The following JAZF1 variants were observed in gnomAD, a reference collection of about 807,000 sequenced individuals.
JAZF1 encodes the protein JAZF zinc finger 1.
Under a neutral mutation model 26.4 loss-of-function variants are expected in JAZF1, and 8 were observed. The ratio of observed to expected loss-of-function variants is 0.30; its 90% CI spans 0.18 to 0.55. The LOEUF (loss-of-function observed/expected upper bound fraction) is 0.55, where lower values mean the gene tolerates loss of function less well. Ranked by LOEUF, JAZF1 falls within the 20% of genes least tolerant of loss-of-function variation. The pLI is 0.94. For missense variants in JAZF1, 199 were observed against 322.0 expected, an observed-to-expected ratio of 0.62 and a Z score of 2.92; for synonymous variants, 126 against 122.3, an observed-to-expected ratio of 1.03 and a Z score of -0.20.
intron 1 of JAZF1, among the ~76,000 whole-genome samples, chr7:28,088,698 A>T (rs1265483988): frequency 6.6e-6 from 1 of 152,110 alleles, no homozygotes; most frequent in Non-Finnish European, 1.5e-5. Context: ...TGGTCCTCTG[A>T]TTCTCCTCTG....
At chr7:27,976,630 AT>A (rs1337289817) in intron 2 of JAZF1, among the ~76,000 whole-genome samples, 1 of 152,172 alleles carries the variant, frequency 6.6e-6, no homozygotes, top group Non-Finnish European at 1.5e-5. Context: ...AGGGAGGAAA[AT>A]AGGAAGGCAT....
chr7:28,024,111 C>T (rs1562562566), intron 1 of JAZF1, among the ~76,000 whole-genome samples: 1 of 151,036 alleles, frequency 6.6e-6, no homozygotes, highest in East Asian at 1.9e-4. Context: ...CATAGCAAGA[C>T]CCATCTCTAA....
At chr7:27,845,262 G>A (rs1400778487) in intron 3 of JAZF1, among the ~76,000 whole-genome samples, 4 of 152,190 alleles carry the variant, frequency 2.6e-5, no homozygotes, top group African/African-American at 9.7e-5. Flanking sequence ...GGCATCTGTG[G>A]AGACACTGGC....
chr7:27,905,095 A>T lies in JAZF1; in HGVS notation c.189-9679T>A, dbSNP rs554740375. Among the ~76,000 whole-genome samples, 7 of 151,380 alleles carry T rather than the reference A, an allele frequency of 4.6e-5. No individual in the cohort carries two copies. The East Asian group carries it at 1.4e-3, about 30-fold the overall frequency. On this transcript the variant is annotated intron_variant, in intron 2 of 4. Transcript: ENST00000283928. ...ACTACAGGGATGCACTTCCAAACCC[A>T]GCTAATTTTTGTATTTTTTGTAGAG...
chr7:27,855,031 C>A (rs1419894793), intron 3 of JAZF1, among the ~76,000 whole-genome samples: 1 of 152,136 alleles, frequency 6.6e-6, no homozygotes, highest in Non-Finnish European at 1.5e-5. Context: ...TTCACATAGT[C>A]CCATATTTCT....
At chr7:28,009,473 T>A (rs1473826275) in intron 1 of JAZF1, among the ~76,000 whole-genome samples, 1 of 151,810 alleles carries the variant, frequency 6.6e-6, no homozygotes, top group African/African-American at 2.4e-5. Flanking sequence ...TGATGTACCC[T>A]GATAATACCA....
At chr7:28,173,873 C>A (rs1310961579) in intron 1 of JAZF1, among the ~76,000 whole-genome samples, 2 of 121,598 alleles carry the variant, frequency 1.6e-5, no homozygotes, top group African/African-American at 6.6e-5. Flanking sequence ...CTGCTTGCAG[C>A]TAGCTTTAAA....
intron 2 of JAZF1, among the ~76,000 whole-genome samples, chr7:27,942,811 CT>C (rs1346197887): frequency 2.0e-5 from 3 of 152,164 alleles, no homozygotes; most frequent in Non-Finnish European, 4.4e-5. Context: ...CAATAAGTGC[CT>C]TTTTGGCTCT....
Position 27,840,678 on chromosome 7 carries a change from G to C in JAZF1, c.555+20C>G. On this transcript the variant is annotated intron_variant, in intron 4 of 4. Transcript: ENST00000283928. This position sits in a 1 kb window ranked among gnomAD's most constrained non-coding sequence, Gnocchi z 5.1. ...CCCTGTTTCCATGTGGTTATGCCAA[G>C]CATGCAGCACCTCTGTTACCTTGTA... 6.2e-7 allele frequency: 1 copy of C among 1,612,576 alleles called. No individual in the cohort carries two copies. Among genetic ancestry groups the C allele is most frequent in the Non-Finnish European group, 8.5e-7 (1 of 1,179,092 alleles).
chr7:28,001,896 A>G (rs1782597207), intron 1 of JAZF1, among the ~76,000 whole-genome samples: 1 of 152,198 alleles, frequency 6.6e-6, no homozygotes, highest in African/African-American at 2.4e-5. Context: ...TATGTTATAG[A>G]TCTGAGTATT....
chr7:27,966,772 AT>A (rs941490822), intron 2 of JAZF1, among the ~76,000 whole-genome samples: 2 of 152,044 alleles, frequency 1.3e-5, no homozygotes, highest in Admixed American at 1.3e-4. Context: ...TCAAGGGGTA[AT>A]TTTTTTTGTC....
intron 1 of JAZF1, among the ~76,000 whole-genome samples, chr7:28,162,383 G>A (rs1783306414): frequency 6.6e-6 from 1 of 152,152 alleles, no homozygotes; most frequent in Non-Finnish European, 1.5e-5. Context: ...GGAACACAAA[G>A]TTTCATCCTC....
intron 3 of JAZF1, chr7:27,846,474 T>C: frequency 2.1e-6 from 1 of 471,018 alleles, no homozygotes; most frequent in Non-Finnish European, 4.4e-6. Flanking sequence ...GTTGGTTGTT[T>C]CCAATTCTTG....
intron 1 of JAZF1, among the ~76,000 whole-genome samples, chr7:28,089,190 G>A (rs1784255399): frequency 1.3e-5 from 2 of 152,200 alleles, no homozygotes; most frequent in African/African-American, 2.4e-5. Context: ...GTGGCGATGA[G>A]GCCTTTGGGA....
intron 3 of JAZF1, among the ~76,000 whole-genome samples, chr7:27,857,529 G>A (rs1254200823): frequency 6.6e-6 from 1 of 152,272 alleles, no homozygotes; most frequent in African/African-American, 2.4e-5. Context: ...GGCGCCGAGA[G>A]CGAGCTAGGG....
intron 3 of JAZF1, among the ~76,000 whole-genome samples, chr7:27,886,330 TC>T (rs1783861981): frequency 6.6e-6 from 1 of 152,176 alleles, no homozygotes; most frequent in African/African-American, 2.4e-5. Context: ...ACTTCTGTGC[TC>T]CCAGAGTTCT....
intron 1 of JAZF1, among the ~76,000 whole-genome samples, chr7:28,119,252 G>A (rs779398823): frequency 2.4e-4 from 37 of 151,870 alleles, no homozygotes; most frequent in African/African-American, 4.8e-4. Flanking sequence ...ACCTTTTTTC[G>A]GCTTGCAAGT....
rs570207623 is a variant in JAZF1, at chr7:27,996,263, A to G, written c.116-4282T>C. Among the ~76,000 whole-genome samples, 54 of 152,344 alleles carry G rather than the reference A, an allele frequency of 3.5e-4. 1 individual carries two copies. Among genetic ancestry groups the G allele is most frequent in the African/African-American group, 1.3e-3 (54 of 41,584 alleles). ...CAGAAACCAGCCGCACAATGTCTCA[A>G]CAAAACTAGGGAGGCCTCTAAGGGC... On this transcript the variant is annotated intron_variant, in intron 1 of 4. Transcript: ENST00000283928.
intron 1 of JAZF1, among the ~76,000 whole-genome samples, chr7:28,044,863 A>G (rs915661654): frequency 2.0e-5 from 3 of 152,188 alleles, no homozygotes; most frequent in Admixed American, 6.5e-5. Flanking sequence ...CTCTGGAGCA[A>G]AAGACTAACC....
Sources: gnomAD v4.1 joint callset for allele counts (sites outside exome capture counted in the v4.1 genomes callset) on GRCh38, gnomAD v4.1.1 for gene constraint, Gnocchi (gnomAD v3.1) non-coding constraint, MANE v1.5 for transcripts, NCBI Gene and HGNC (gene_info 2026-07-23, HGNC 2026-07-21) for gene names.